Variants in CTNNA1 observed in about 807,000 individuals in gnomAD.
CTNNA1 encodes the protein catenin alpha 1, also known as catenin alpha-1.
In CTNNA1, 37 loss-of-function variants were observed where a neutral mutation model predicts 98.4. The observed-to-expected ratio is 0.38, with a 90% CI of 0.29 to 0.49. The LOEUF is 0.49. Ranked by LOEUF, CTNNA1 falls within the 20% of genes least tolerant of loss-of-function variation. The probability of loss-of-function intolerance (pLI) is 0.95; values close to 1 mark genes in which losing one functional copy is unlikely to be tolerated. For missense variants in CTNNA1, 761 were observed against 1,147.2 expected, an observed-to-expected ratio of 0.66 and a Z score of 4.86; for synonymous variants, 404 against 413.2, an observed-to-expected ratio of 0.98 and a Z score of 0.27.
intron 9 of CTNNA1, among the ~76,000 whole-genome samples, chr5:138,895,979 A>G (rs1458386457): frequency 1.3e-5 from 2 of 152,226 alleles, no homozygotes; most frequent in Non-Finnish European, 2.9e-5. Flanking sequence ...TTATGCTTTA[A>G]TCTGGAGTTT....
intron 9 of CTNNA1, among the ~76,000 whole-genome samples, chr5:138,894,281 C>CTTTTTTTTTT (rs539073038): frequency 1.6e-5 from 2 of 123,946 alleles, no homozygotes; most frequent in Non-Finnish European, 1.6e-5. Context: ...TTTTCTTTCT[C>CTTTTTTTTTT]TTTTTTTTTT....
At position 138,852,414 on chromosome 5, in the gene CTNNA1, T is replaced by G. The variant is rs916307974; in HGVS notation, c.1062+24696T>G. Among the ~76,000 whole-genome samples the G allele has an allele frequency of 3.3e-5, 5 of 149,980 alleles. No homozygotes were observed. The South Asian group carries it at 1.1e-3, about 32-fold the overall frequency. ...ATTCCAGCTTTTTCTCTGTTATACA[T>G]TATTTTCTCCACTGCCTTCATACTT... On this transcript the variant is annotated intron_variant, in intron 7 of 17. Transcript: ENST00000302763.
intron 7 of CTNNA1, among the ~76,000 whole-genome samples, chr5:138,856,874 TAGAG>T (rs1763776790): frequency 6.6e-6 from 1 of 152,236 alleles, no homozygotes; most frequent in Non-Finnish European, 1.5e-5. Context: ...GGAAGTATTT[TAGAG>T]AGAAATTGTG....
chr5:138,774,324 T>C (rs1223193409), intron 1 of CTNNA1, among the ~76,000 whole-genome samples: 1 of 151,698 alleles, frequency 6.6e-6, no homozygotes, highest in Admixed American at 6.6e-5. Flanking sequence ...CACACCTGGC[T>C]TTTTTTCTAA....
At chr5:138,880,709 T>C (rs1581433853) in intron 7 of CTNNA1, 1 of 218,640 alleles carries the variant, frequency 4.6e-6, no homozygotes, top group East Asian at 1.1e-4. Context: ...CAAAGAAAGC[T>C]GTTTGCACAG....
intron 5 of CTNNA1, among the ~76,000 whole-genome samples, chr5:138,821,744 T>A (rs1760068166): frequency 1.3e-5 from 2 of 152,216 alleles, no homozygotes; most frequent in African/African-American, 4.8e-5. Context: ...TTCCTGAGTC[T>A]GCTTGAACCA....
intron 1 of CTNNA1, among the ~76,000 whole-genome samples, chr5:138,771,839 C>T (rs558732546): frequency 6.6e-6 from 1 of 152,236 alleles, no homozygotes; most frequent in African/African-American, 2.4e-5. Context: ...TGACAGTTAA[C>T]GTTGCTTCGG....
chr5:138,753,477 C>T lies in CTNNA1; in HGVS notation c.-36C>T, dbSNP rs890867037. ...AAAGCAGCGCCCGTCTGCTTCGGGCCTCTGGAATTTAGCGCTCGCCCAGCT... is the reference window on the plus strand; with the variant it reads ...AAAGCAGCGCCCGTCTGCTTCGGGCTTCTGGAATTTAGCGCTCGCCCAGCT... On this transcript the variant is annotated 5_prime_UTR_variant, in exon 1 of 18. Transcript: ENST00000302763. The T allele has an allele frequency of 1.6e-5, 6 of 379,218 alleles. No homozygotes were observed. Among genetic ancestry groups the T allele is most frequent in the African/African-American group, 1.0e-4 (5 of 47,622 alleles). The allele number at this position is 379,218 out of a possible 1,614,324, so 23.5% of individuals were successfully genotyped here. A position where few individuals can be genotyped will look rare whatever the true frequency, so the allele number is the denominator to read the frequency against.
intron 1 of CTNNA1, among the ~76,000 whole-genome samples, chr5:138,777,865 A>G (rs1754535476): frequency 8.3e-6 from 1 of 120,156 alleles, no homozygotes; most frequent in Admixed American, 8.8e-5. Context: ...AGGGAGAGGG[A>G]GACCGTGGGG....
intron 3 of CTNNA1, among the ~76,000 whole-genome samples, chr5:138,784,105 A>G (rs1755422618): frequency 1.3e-5 from 2 of 152,190 alleles, no homozygotes; most frequent in Non-Finnish European, 2.9e-5. Context: ...GGGTTTCACT[A>G]GTTGCCCAGG....
intron 3 of CTNNA1, among the ~76,000 whole-genome samples, chr5:138,799,217 A>G (rs1263703658): frequency 2.0e-5 from 3 of 151,944 alleles, no homozygotes; most frequent in African/African-American, 7.3e-5. Flanking sequence ...CTGGAGTGCA[A>G]TGGCGTGACC....
At chr5:138,933,609 G>A (rs573078369) in intron 17 of CTNNA1, among the ~76,000 whole-genome samples, 193 bp from the exon 18 acceptor site, 55 of 152,290 alleles carry the variant, frequency 3.6e-4, no homozygotes, top group African/African-American at 1.3e-3. Flanking sequence ...GAGGGCAGGC[G>A]CTTCCAGGCT....
intron 7 of CTNNA1, among the ~76,000 whole-genome samples, chr5:138,852,416 A>G (rs1446793755): frequency 9.2e-6 from 1 of 109,124 alleles, no homozygotes; most frequent in Non-Finnish European, 1.7e-5. Flanking sequence ...GTTATACATT[A>G]TTTTCTCCAC....
chr5:138,782,978 A>G (rs900894122), intron 2 of CTNNA1, among the ~76,000 whole-genome samples, 199 bp from the exon 3 acceptor site: 1 of 152,226 alleles, frequency 6.6e-6, no homozygotes, highest in East Asian at 1.9e-4. Context: ...AATTCTCTGT[A>G]CACATTAAGA....
Position 138,860,243 on chromosome 5 carries a change from G to A in CTNNA1, c.1063-25969G>A, listed in dbSNP as rs974114234. ...GTTATAAATTAGGGTAATGGATTTGGTGGGAGTGTCAGCTGAACTTCAGAT... is the reference window on the plus strand; with the variant it reads ...GTTATAAATTAGGGTAATGGATTTGATGGGAGTGTCAGCTGAACTTCAGAT... On this transcript the variant is annotated intron_variant, in intron 7 of 17. Coordinates refer to ENST00000302763, the MANE Select transcript of CTNNA1 (RefSeq NM_001903.5). Among the ~76,000 whole-genome samples the A allele has an allele frequency of 1.4e-4, 21 of 152,272 alleles. 1 individual carries two copies. Among genetic ancestry groups the A allele is most frequent in the Admixed American group, 1.0e-3 (16 of 15,292 alleles).
At chr5:138,930,288 C>T (rs1236794380) in intron 14 of CTNNA1, among the ~76,000 whole-genome samples, 185 bp from the exon 15 acceptor site, 1 of 152,090 alleles carries the variant, frequency 6.6e-6, no homozygotes, top group Admixed American at 6.6e-5. Flanking sequence ...AAAAGTGGGT[C>T]GGAAATTCAG....
chr5:138,886,564 G>A (rs575364937), intron 8 of CTNNA1, among the ~76,000 whole-genome samples: 2 of 152,252 alleles, frequency 1.3e-5, no homozygotes, highest in Non-Finnish European at 2.9e-5. Flanking sequence ...AATTTAAAAT[G>A]ACTTGGAGAC....
In CTNNA1 at chr5:138,788,437, T is replaced by C. The variant is rs77547318; in HGVS notation, c.301+5065T>C. Among the ~76,000 whole-genome samples, 1,455 of 152,284 alleles carry C rather than the reference T, an allele frequency of 9.6e-3. 9 individuals carry two copies. Among genetic ancestry groups the C allele is most frequent in the Non-Finnish European group, 0.017 (1,140 of 68,018 alleles). On this transcript the variant is annotated intron_variant, in intron 3 of 17. Coordinates refer to ENST00000302763, the MANE Select transcript of CTNNA1 (RefSeq NM_001903.5). ...ATGTTTTTTTTAAAAAATTGAGATA[T>C]AATTTCACATACCATAAAAATCACC...
Position 138,873,277 on chromosome 5 carries a change from C to T in CTNNA1, c.1063-12935C>T, listed in dbSNP as rs781751777. The T allele has an allele frequency of 1.4e-5, 22 of 1,613,868 alleles. 1 individual carries two copies. In the South Asian group the frequency reaches 2.2e-4, roughly 16 times the overall value. ...TAAAAAAGAAAGAAAACAATAAAGC[C>T]ATTGTTCCCGTAATTACCCGCTGAG... On this transcript the variant is annotated intron_variant, in intron 7 of 17. Coordinates refer to ENST00000302763, the MANE Select transcript of CTNNA1 (RefSeq NM_001903.5). The surrounding 1 kb of genome is among the most constrained non-coding windows in gnomAD (Gnocchi z 6.1).
Sources: gnomAD v4.1 joint callset for allele counts (sites outside exome capture counted in the v4.1 genomes callset) on GRCh38, gnomAD v4.1.1 for gene constraint, Gnocchi (gnomAD v3.1) non-coding constraint, MANE v1.5 for transcripts, NCBI Gene and HGNC (gene_info 2026-07-23, HGNC 2026-07-21) for gene names.